DUS2: variants seen among roughly 807,000 people sequenced by gnomAD.
DUS2 encodes the protein tRNA-dihydrouridine(20) synthase [NAD(P)+]-like.
DUS2 carries 52 observed loss-of-function variants against 71.3 expected under a neutral mutation model. That is an observed-to-expected ratio of 0.73 (90% CI 0.58 to 0.92). DUS2 has a LOEUF of 0.92. DUS2 is among the 40% of genes least tolerant of loss of function. The probability of loss-of-function intolerance (pLI) is 0.00; values close to 1 mark genes in which losing one functional copy is unlikely to be tolerated. For synonymous variants in DUS2, 204 were observed against 227.8 expected, an observed-to-expected ratio of 0.90 and a Z score of 0.94; for missense variants, 558 against 622.6, an observed-to-expected ratio of 0.90 and a Z score of 1.10.
At chr16:68,062,288 G>A (rs376617139) in intron 8 of DUS2, among the ~76,000 whole-genome samples, 3 of 152,004 alleles carry the variant, frequency 2.0e-5, no homozygotes, top group African/African-American at 7.2e-5. Flanking sequence ...TGGGATTACA[G>A]ATGTGAGCCA....
At chr16:68,052,556 G>A (rs1356986891) in intron 4 of DUS2, among the ~76,000 whole-genome samples, 1 of 152,030 alleles carries the variant, frequency 6.6e-6, no homozygotes, top group Non-Finnish European at 1.5e-5. Context: ...CTCACTGTAA[G>A]TAAATAGTAA....
intron 3 of DUS2, among the ~76,000 whole-genome samples, chr16:68,044,739 A>G (rs2033676960): frequency 1.3e-5 from 2 of 151,842 alleles, no homozygotes; most frequent in Admixed American, 1.3e-4. Flanking sequence ...CATAGTTTTC[A>G]GTACATGAGT....
At chr16:68,053,036 C>T (rs547712423) in intron 4 of DUS2, among the ~76,000 whole-genome samples, 2 of 151,658 alleles carry the variant, frequency 1.3e-5, no homozygotes, top group Admixed American at 6.6e-5. Context: ...GATCTCGGCT[C>T]GCTGCAACCT....
In DUS2 at chr16:68,078,452, G is replaced by A. The variant is rs1400372156; in HGVS notation, c.1178G>A (p.Arg393His). The change falls in exon 16 of 17, where the codon CGC becomes CAC. Residue 393 changes from arginine to histidine, a missense_variant. Transcript: ENST00000565263. ...CTTTTCTCTTTGTATCAGGTTCAAC[G>A]CCCTCTAGATCGCCTGTTCTCCTCT... Reference protein sequence around the residue: ...LAQPVYETVQRPLDRLFSSIV... With the variant: ...LAQPVYETVQHPLDRLFSSIV... The A allele has an allele frequency of 6.2e-6, 10 of 1,613,976 alleles. No homozygotes were observed. The highest frequency in any genetic ancestry group is 5.0e-5 in the Admixed American group (3 of 60,008).
rs375366007 is a variant in DUS2, at chr16:68,053,085, C to T, written c.173-479C>T. Among the ~76,000 whole-genome samples, 3 of 152,130 alleles carry T rather than the reference C, an allele frequency of 2.0e-5. No individual in the cohort carries two copies. In the East Asian group the frequency reaches 5.8e-4, roughly 29 times the overall value. ...TCAAGCGATTCTCCTGCCTCAGCCT[C>T]TCGAGTAGCTAGGGTTACAGGCATA... On this transcript the variant is annotated intron_variant, in intron 4 of 16. Coordinates refer to ENST00000565263, the MANE Select transcript of DUS2 (RefSeq NM_017803.5).
intron 10 of DUS2, among the ~76,000 whole-genome samples, 195 bp from the exon 11 acceptor site, chr16:68,069,939 G>A (rs2034059900): frequency 1.3e-5 from 2 of 152,218 alleles, no homozygotes; most frequent in South Asian, 4.1e-4. Flanking sequence ...ATGGATCTGT[G>A]CTGCCCCTGC....
intron 5 of DUS2, 135 bp downstream of exon 5, chr16:68,053,790 T>A: frequency 1.2e-6 from 1 of 846,486 alleles, no homozygotes; most frequent in Non-Finnish European, 1.9e-6. Context: ...GATTCTGCTT[T>A]AATGTTTTCC....
chr16:68,035,884 TTATATATATATATATATATATA>T lies in DUS2; in HGVS notation c.-18-2097_-18-2076del, dbSNP rs71145987. ...TGTGTACCACCACATCCCGCTAATT[TTATATATATATATATATATATA>T]TATATATATATATATATATATATAC... On this transcript the variant is annotated intron_variant, in intron 2 of 16. Transcript: ENST00000565263. Among the ~76,000 whole-genome samples the T allele has an allele frequency of 1.5e-3, 175 of 113,320 alleles. 4 individuals carry two copies. Among genetic ancestry groups the T allele is most frequent in the African/African-American group, 6.4e-3 (144 of 22,490 alleles). The allele number at this position is 113,320 out of a possible 152,430, so 74.3% of individuals were successfully genotyped here. A position where few individuals can be genotyped will look rare whatever the true frequency, so the allele number is the denominator to read the frequency against.
chr16:68,075,332 C>A, intron 13 of DUS2, 23 bp from the exon 14 acceptor site: 1 of 1,579,462 alleles, frequency 6.3e-7, no homozygotes, highest in Non-Finnish European at 8.6e-7. Context: ...AGTGTTTGCT[C>A]TGATCTGCTT....
intron 7 of DUS2, 42 bp downstream of exon 7, chr16:68,056,466 G>T (rs760919965): frequency 2.0e-6 from 3 of 1,526,408 alleles, no homozygotes; most frequent in South Asian, 2.2e-5. Flanking sequence ...ATAGGATGCA[G>T]ATTAAGAGGC....
intron 3 of DUS2, among the ~76,000 whole-genome samples, chr16:68,043,606 C>T (rs1352283462): frequency 3.9e-5 from 6 of 152,090 alleles, no homozygotes; most frequent in African/African-American, 1.2e-4. Flanking sequence ...CATATTCACC[C>T]AGAATAGGTA....
intron 8 of DUS2, among the ~76,000 whole-genome samples, chr16:68,063,347 T>C (rs1351539497): frequency 2.0e-5 from 3 of 152,170 alleles, no homozygotes. Context: ...TTGCGGGTCC[T>C]TCCAGGCTTG....
chr16:68,060,470 T>C (rs1452054291), intron 7 of DUS2, among the ~76,000 whole-genome samples: 2 of 152,030 alleles, frequency 1.3e-5, no homozygotes, highest in East Asian at 2.0e-4. Context: ...CACACCTCCA[T>C]GCTCGGCTAA....
At position 68,078,506 on chromosome 16, in the gene DUS2, AG is replaced by A; in HGVS notation, c.1233del (p.Gln411HisfsTer58). 6.2e-7 allele frequency: 1 copy of A among 1,614,070 alleles called. No homozygotes were observed. The highest frequency in any genetic ancestry group is 8.5e-7 in the Non-Finnish European group (1 of 1,180,030). On this transcript the variant is annotated frameshift_variant, in exon 16 of 17. Transcript: ENST00000565263. LOFTEE classifies it high-confidence loss of function. Reference protein sequence around the residue: ...SIVTVAEQKYQSTLWDKSKKL... With the variant: ...SIVTVAEQKYXSTLWDKSKKL... ...GTCACCGTTGCTGAACAAAAGTATC[AG>A]TCTACCTTGTGGTAAGTTTCCTTAT... is the stretch of plus-strand genomic sequence containing the variant.
rs79060106 is a variant in DUS2, at chr16:68,053,860, C to T, written c.264+205C>T. On this transcript the variant is annotated intron_variant, in intron 5 of 16. Transcript: ENST00000565263. Reference sequence around the variant, plus strand: ...ACAGTTTATGGAAATCAAGCTATCACAGTCTTATATGTCTCTAGTCTCAAA... The same window carrying T: ...ACAGTTTATGGAAATCAAGCTATCATAGTCTTATATGTCTCTAGTCTCAAA... 2.3e-3 allele frequency: 1,307 copies of T among 567,514 alleles called. 24 individuals carry two copies. Among genetic ancestry groups the T allele is most frequent in the African/African-American group, 0.023 (1,225 of 53,550 alleles). The allele number at this position is 567,514 out of a possible 1,614,324, so 35.2% of individuals were successfully genotyped here.
intron 3 of DUS2, among the ~76,000 whole-genome samples, chr16:68,048,607 G>A (rs2033736061): frequency 6.6e-6 from 1 of 152,214 alleles, no homozygotes; most frequent in African/African-American, 2.4e-5. Context: ...TATGCTGCGG[G>A]AAGTCCCATG....
chr16:68,037,810 G>A, intron 2 of DUS2, 196 bp from the exon 3 acceptor site: 1 of 469,778 alleles, frequency 2.1e-6, no homozygotes, highest in Non-Finnish European at 3.8e-6. Flanking sequence ...AGTGAGCCCT[G>A]CACTACACTG....
At chr16:68,038,904 A>G (rs549386191) in intron 3 of DUS2, among the ~76,000 whole-genome samples, 2 of 151,332 alleles carry the variant, frequency 1.3e-5, no homozygotes, top group South Asian at 4.2e-4. Context: ...AAATTTATAT[A>G]TTAAAAAAAA....
At chr16:68,033,095 G>C (rs139532289) in intron 2 of DUS2, among the ~76,000 whole-genome samples, 9 of 151,950 alleles carry the variant, frequency 5.9e-5, no homozygotes, top group African/African-American at 2.2e-4. Flanking sequence ...AGGTATAAAC[G>C]GGGGAGTGGT....
Sources: gnomAD v4.1 joint callset for allele counts (sites outside exome capture counted in the v4.1 genomes callset) on GRCh38, gnomAD v4.1.1 for gene constraint, MANE v1.5 for transcripts, NCBI Gene and HGNC (gene_info 2026-07-23, HGNC 2026-07-21) for gene names.